The following PHACTR1 variants were observed in gnomAD, a reference collection of about 807,000 sequenced individuals.
PHACTR1 encodes the protein RPEL repeat containing 1.
PHACTR1 carries 16 observed loss-of-function variants against 69.2 expected under a neutral mutation model. That is an observed-to-expected ratio of 0.23 (90% CI 0.16 to 0.35). The LOEUF is 0.35. Ranked by LOEUF, PHACTR1 falls within the 10% of genes least tolerant of loss-of-function variation. The pLI is 1.00. For missense variants in PHACTR1, 510 were observed against 734.7 expected, an observed-to-expected ratio of 0.69 and a Z score of 3.54; for synonymous variants, 312 against 284.5, an observed-to-expected ratio of 1.10 and a Z score of -0.97.
chr6:12,797,728 C>T (rs1411809802), intron 4 of PHACTR1, among the ~76,000 whole-genome samples: 1 of 152,146 alleles, frequency 6.6e-6, no homozygotes, highest in South Asian at 2.1e-4. Flanking sequence ...TCCAGCCACA[C>T]TGTCCTTTTT....
rs1773565971 is a variant in PHACTR1 at position 13,246,227 on chromosome 6, A to G, written c.1391+16034A>G. ...TCGTTGATTTTCTCAAAAGAAAAATAAATAATGTGGAGGTTTTGAATGAAA... is the reference window on the plus strand; with the variant it reads ...TCGTTGATTTTCTCAAAAGAAAAATGAATAATGTGGAGGTTTTGAATGAAA... On this transcript the variant is annotated intron_variant, in intron 10 of 14. Transcript: ENST00000332995. This position sits in a 1 kb window ranked among gnomAD's most constrained non-coding sequence, Gnocchi z 4.2. Among the ~76,000 whole-genome samples, 1 of 151,372 alleles carries G rather than the reference A, an allele frequency of 6.6e-6. No individual in the cohort carries two copies. The highest frequency in any genetic ancestry group is 1.5e-5 in the Non-Finnish European group (1 of 67,636).
intron 6 of PHACTR1, among the ~76,000 whole-genome samples, chr6:13,161,018 T>G (rs1758913077): frequency 1.3e-5 from 2 of 152,170 alleles, no homozygotes; most frequent in Admixed American, 6.5e-5. Flanking sequence ...CTTGCTCTGT[T>G]GCCCAGGCTG....
intron 4 of PHACTR1, among the ~76,000 whole-genome samples, chr6:12,861,274 C>G (rs143456552): frequency 6.4e-4 from 98 of 152,320 alleles, no homozygotes; most frequent in Admixed American, 1.6e-3. Context: ...TAACAAGTCA[C>G]CCAACGCTAC....
At chr6:12,784,381 CATG>C (rs1001127524) in intron 4 of PHACTR1, among the ~76,000 whole-genome samples, 9 of 151,422 alleles carry the variant, frequency 5.9e-5, no homozygotes, top group Non-Finnish European at 8.8e-5. Context: ...CTCACAGATA[CATG>C]ATGATATATA....
chr6:13,015,079 A>G (rs938118189), intron 4 of PHACTR1, among the ~76,000 whole-genome samples: 3 of 152,212 alleles, frequency 2.0e-5, no homozygotes, highest in African/African-American at 7.2e-5. Flanking sequence ...CATGCCTGAC[A>G]CGCACACCTG....
intron 6 of PHACTR1, among the ~76,000 whole-genome samples, chr6:13,165,500 A>G (rs1759665675): frequency 6.6e-6 from 1 of 152,228 alleles, no homozygotes; most frequent in Non-Finnish European, 1.5e-5. Flanking sequence ...TGATAACCAC[A>G]ATTGCAAAAT....
intron 5 of PHACTR1, among the ~76,000 whole-genome samples, chr6:13,076,487 T>C (rs1561794847): frequency 6.6e-6 from 1 of 152,184 alleles, no homozygotes; most frequent in South Asian, 2.1e-4. Context: ...AAAAATGTGA[T>C]AGAGTTACGT....
At chr6:12,808,111 A>G (rs918359623) in intron 4 of PHACTR1, among the ~76,000 whole-genome samples, 3 of 152,188 alleles carry the variant, frequency 2.0e-5, no homozygotes, top group Non-Finnish European at 1.5e-5. Context: ...TTCACGTTTA[A>G]AAAAGTATTT....
chr6:13,261,615 T>A (rs1775922194), intron 10 of PHACTR1, among the ~76,000 whole-genome samples: 1 of 152,202 alleles, frequency 6.6e-6, no homozygotes, highest in Non-Finnish European at 1.5e-5. Context: ...CTATCCCTGG[T>A]TGTCTAAGTG....
intron 4 of PHACTR1, among the ~76,000 whole-genome samples, chr6:12,994,070 C>G (rs1465023414): frequency 6.6e-6 from 1 of 151,894 alleles, no homozygotes; most frequent in Admixed American, 6.6e-5. Flanking sequence ...GAAAAAGAAA[C>G]CACTATGAAA....
At chr6:13,184,665 C>A in intron 7 of PHACTR1, 1 of 564,972 alleles carries the variant, frequency 1.8e-6, no homozygotes, top group Non-Finnish European at 3.0e-6. Flanking sequence ...TAGCTCTCTA[C>A]ACATGCGTGG....
At chr6:12,927,783 C>A (rs7773750) in intron 4 of PHACTR1, among the ~76,000 whole-genome samples, 6,047 of 152,184 alleles carry the variant, frequency 0.04, 239 homozygotes, top group South Asian at 0.11. Context: ...AAGAGCAAAC[C>A]CAGAGGCATC....
At chr6:12,761,145 A>G (rs934184241) in intron 4 of PHACTR1, among the ~76,000 whole-genome samples, 2 of 152,194 alleles carry the variant, frequency 1.3e-5, no homozygotes, top group African/African-American at 4.8e-5. Flanking sequence ...TTTCATTGCT[A>G]CTTTGAAAAC....
At chr6:13,264,433 T>C (rs1175822404) in intron 10 of PHACTR1, among the ~76,000 whole-genome samples, 1 of 152,140 alleles carries the variant, frequency 6.6e-6, no homozygotes, top group Non-Finnish European at 1.5e-5. Flanking sequence ...AAAAATAAAA[T>C]TTGGGCTGGG....
At chr6:13,027,298 AAAT>A (rs2127681938) in intron 4 of PHACTR1, among the ~76,000 whole-genome samples, 1 of 152,304 alleles carries the variant, frequency 6.6e-6, no homozygotes, top group African/African-American at 2.4e-5. Flanking sequence ...GCTTGTGAGA[AAAT>A]AATAATTTTC....
At chr6:13,218,868 GAA>G (rs1768134675) in intron 8 of PHACTR1, among the ~76,000 whole-genome samples, 2 of 10,150 alleles carry the variant, frequency 2.0e-4, no homozygotes, top group African/African-American at 2.5e-4. Flanking sequence ...GAAGAGAAGA[GAA>G]GAGAAGAGAA....
intron 4 of PHACTR1, among the ~76,000 whole-genome samples, chr6:13,024,814 GCT>G (rs1801454534): frequency 6.6e-6 from 1 of 152,160 alleles, no homozygotes; most frequent in African/African-American, 2.4e-5. Context: ...GAAATGATGG[GCT>G]ACTGGACCCC....
At chr6:13,137,763 A>G (rs1022508712) in intron 5 of PHACTR1, among the ~76,000 whole-genome samples, 2 of 152,260 alleles carry the variant, frequency 1.3e-5, no homozygotes, top group African/African-American at 4.8e-5. Flanking sequence ...CAAAACTGAG[A>G]GGACAAGCTC....
intron 4 of PHACTR1, among the ~76,000 whole-genome samples, chr6:12,920,793 A>C (rs1661404040): frequency 6.6e-6 from 1 of 152,246 alleles, no homozygotes; most frequent in African/African-American, 2.4e-5. Flanking sequence ...TTTCTATGTC[A>C]AGCAGCTTTT....
Sources: gnomAD v4.1 joint callset for allele counts (sites outside exome capture counted in the v4.1 genomes callset) on GRCh38, gnomAD v4.1.1 for gene constraint, Gnocchi (gnomAD v3.1) non-coding constraint, MANE v1.5 for transcripts, NCBI Gene and HGNC (gene_info 2026-07-23, HGNC 2026-07-21) for gene names.